XRCC4: variants seen among roughly 807,000 people sequenced by gnomAD.
XRCC4 encodes the protein X-ray repair cross complementing 4.
Under a neutral mutation model 39.1 loss-of-function variants are expected in XRCC4, and 28 were observed. The observed-to-expected ratio is 0.72, with a 90% CI of 0.53 to 0.98. The LOEUF is 0.98. Ranked by LOEUF, XRCC4 falls within the 50% of genes least tolerant of loss-of-function variation. The pLI, the probability that XRCC4 is intolerant of heterozygous loss-of-function variation, is 0.00. For synonymous variants in XRCC4, 123 were observed against 126.4 expected, an observed-to-expected ratio of 0.97 and a Z score of 0.18; for missense variants, 350 against 376.4, an observed-to-expected ratio of 0.93 and a Z score of 0.58.
At chr5:83,098,068 GA>G (rs1239909779) in intron 1 of XRCC4, among the ~76,000 whole-genome samples, 3 of 152,080 alleles carry the variant, frequency 2.0e-5, no homozygotes, top group African/African-American at 7.2e-5. Context: ...GTTTATCACT[GA>G]AACTAATGAT....
At chr5:83,172,216 G>C (rs1327401769) in intron 3 of XRCC4, among the ~76,000 whole-genome samples, 1 of 152,116 alleles carries the variant, frequency 6.6e-6, no homozygotes, top group Non-Finnish European at 1.5e-5. Flanking sequence ...GAACTACACT[G>C]AGAGAAAATA....
chr5:83,118,769 A>G (rs1056862810), intron 3 of XRCC4, among the ~76,000 whole-genome samples: 1 of 152,312 alleles, frequency 6.6e-6, no homozygotes, highest in Middle Eastern at 3.4e-3. Flanking sequence ...ATGGATATCA[A>G]TGGTCAACTA....
At chr5:83,181,495 T>G (rs1175308908) in intron 3 of XRCC4, among the ~76,000 whole-genome samples, 1 of 152,174 alleles carries the variant, frequency 6.6e-6, no homozygotes, top group Non-Finnish European at 1.5e-5. Context: ...GTTATTCATT[T>G]ATTGTGTAAT....
intron 3 of XRCC4, among the ~76,000 whole-genome samples, chr5:83,179,965 T>C (rs931323243): frequency 1.3e-5 from 2 of 152,164 alleles, no homozygotes; most frequent in African/African-American, 2.4e-5. Flanking sequence ...CTGCTAAATA[T>C]AGAAAAAGTG....
intron 7 of XRCC4, among the ~76,000 whole-genome samples, chr5:83,263,361 G>C (rs1275547377): frequency 1.3e-5 from 2 of 151,874 alleles, no homozygotes; most frequent in Non-Finnish European, 2.9e-5. Flanking sequence ...TATATACCCA[G>C]TAATGGGATG....
intron 3 of XRCC4, among the ~76,000 whole-genome samples, chr5:83,186,633 C>T (rs1750451379): frequency 1.3e-5 from 2 of 152,264 alleles, no homozygotes; most frequent in South Asian, 4.1e-4. Flanking sequence ...CTGGAAATTA[C>T]AACACAGACA....
At chr5:83,359,638 C>T in the XRCC4 span, among the ~76,000 whole-genome samples, 4 of 151,968 alleles carry the variant, frequency 2.6e-5, no homozygotes, top group South Asian at 4.2e-4. Flanking sequence ...TTTTATTAGT[C>T]GAATGGTTCT....
chr5:83,277,320 G>T (rs542221442), intron 7 of XRCC4, among the ~76,000 whole-genome samples: 1 of 152,156 alleles, frequency 6.6e-6, no homozygotes. Flanking sequence ...AGCAAGTTTT[G>T]ATTAAAAGTG....
At chr5:83,270,108 GCATGCACAGTT>G (rs1754088752) in intron 7 of XRCC4, among the ~76,000 whole-genome samples, 1 of 152,110 alleles carries the variant, frequency 6.6e-6, no homozygotes, top group Non-Finnish European at 1.5e-5. Flanking sequence ...TAGATGCCTC[GCATGCACAGTT>G]CACAATAGGA....
intron 6 of XRCC4, among the ~76,000 whole-genome samples, chr5:83,242,002 T>C (rs1228189077): frequency 6.6e-6 from 1 of 151,424 alleles, no homozygotes; most frequent in Non-Finnish European, 1.5e-5. Flanking sequence ...TTGGTCTTGC[T>C]GTCTCAGGGT....
chr5:83,203,724 GT>G lies in XRCC4; in HGVS notation c.638+22del. On this transcript the variant is annotated intron_variant, in intron 5 of 7. Coordinates refer to ENST00000396027, the MANE Select transcript of XRCC4 (RefSeq NM_003401.5). ...ACAAGAAGGGTATTTTCGCTATCTTGTTTTTGGATGACAGATGAATACATTT... is the reference window on the plus strand; with the variant it reads ...ACAAGAAGGGTATTTTCGCTATCTTGTTTTGGATGACAGATGAATACATTT... 4 of 1,606,798 alleles carry G rather than the reference GT, an allele frequency of 2.5e-6. No individual in the cohort carries two copies. Among genetic ancestry groups the G allele is most frequent in the Admixed American group, 1.7e-5 (1 of 58,836 alleles).
intron 3 of XRCC4, among the ~76,000 whole-genome samples, chr5:83,142,879 C>G (rs1322231757): frequency 6.6e-6 from 1 of 152,072 alleles, no homozygotes; most frequent in Non-Finnish European, 1.5e-5. Context: ...ACTAAAATTT[C>G]CATCGGAGAA....
At chr5:83,090,806 C>T (rs576682958) in intron 1 of XRCC4, among the ~76,000 whole-genome samples, 10 of 152,106 alleles carry the variant, frequency 6.6e-5, no homozygotes, top group East Asian at 3.8e-4. Context: ...CAACTCTGTG[C>T]GAGGAGCAGG....
chr5:83,291,909 GTTTATA>G (rs1580472342), intron 7 of XRCC4, among the ~76,000 whole-genome samples: 2 of 150,088 alleles, frequency 1.3e-5, no homozygotes, highest in East Asian at 2.0e-4. Context: ...TTATATATAT[GTTTATA>G]TTTATATAAA....
intron 7 of XRCC4, among the ~76,000 whole-genome samples, chr5:83,291,060 CTCTAAACAT>C (rs1754905417): frequency 6.6e-6 from 1 of 151,810 alleles, no homozygotes; most frequent in Non-Finnish European, 1.5e-5. Context: ...CTTGTAATCT[CTCTAAACAT>C]TTACATATGT....
chr5:83,095,339 G>T (rs1409412826), intron 1 of XRCC4, among the ~76,000 whole-genome samples: 1 of 152,210 alleles, frequency 6.6e-6, no homozygotes, highest in African/African-American at 2.4e-5. Flanking sequence ...GAGTTCAGCA[G>T]TTGGACAGGG....
chr5:83,359,786 A>G, the XRCC4 span, among the ~76,000 whole-genome samples: 7 of 152,158 alleles, frequency 4.6e-5, no homozygotes, highest in African/African-American at 1.7e-4. Flanking sequence ...ATTTCAGAAG[A>G]CCTTCAATCA....
downstream of XRCC4, among the ~76,000 whole-genome samples, chr5:83,354,987 AT>A (rs1757173886): frequency 6.6e-6 from 1 of 152,056 alleles, no homozygotes; most frequent in East Asian, 1.9e-4. Flanking sequence ...ATAATGAACC[AT>A]TGCCCTTTGA....
At chr5:83,190,817 T>G (rs1429789209) in intron 3 of XRCC4, among the ~76,000 whole-genome samples, 1 of 152,190 alleles carries the variant, frequency 6.6e-6, no homozygotes, top group Non-Finnish European at 1.5e-5. Context: ...AAACATCTGT[T>G]TAATTATTTT....
Sources: allele counts gnomAD v4.1 joint callset (sites outside exome capture counted in the v4.1 genomes callset), GRCh38; gene constraint gnomAD v4.1.1; transcripts MANE v1.5; gene names NCBI Gene and HGNC (gene_info 2026-07-23, HGNC 2026-07-21).